NRG2: variants seen among roughly 807,000 people sequenced by gnomAD.
NRG2 encodes the protein neuregulin 2.
Under a neutral mutation model 73.9 loss-of-function variants are expected in NRG2, and 27 were observed. That is an observed-to-expected ratio of 0.37 (90% CI 0.27 to 0.50). The LOEUF (loss-of-function observed/expected upper bound fraction) is 0.50. NRG2 is among the 20% of genes least tolerant of loss of function. The pLI, the probability that NRG2 is intolerant of heterozygous loss-of-function variation, is 0.96. For synonymous variants in NRG2, 532 were observed against 541.0 expected (o/e 0.98, Z 0.23); for missense variants, 1,126 against 1,210.1 (o/e 0.93, Z 1.03).
At chr5:139,961,721 C>T (rs528513960) in intron 1 of NRG2, among the ~76,000 whole-genome samples, 2 of 152,326 alleles carry the variant, frequency 1.3e-5, no homozygotes, top group South Asian at 4.1e-4. Flanking sequence ...GCCCCCTGCT[C>T]CCTGCTGAGA....
intron 3 of NRG2, 33 bp from the exon 4 acceptor site, chr5:139,871,874 A>C: frequency 6.2e-7 from 1 of 1,609,544 alleles, no homozygotes; most frequent in Non-Finnish European, 8.5e-7. Flanking sequence ...CCAGTGACGC[A>C]CTGAGACTAT....
At chr5:140,012,601 C>T (rs1287988392) in intron 1 of NRG2, among the ~76,000 whole-genome samples, 1 of 152,132 alleles carries the variant, frequency 6.6e-6, no homozygotes, top group Non-Finnish European at 1.5e-5. Flanking sequence ...TGCAACCCTT[C>T]CATGATATCA....
chr5:139,908,554 A>G (rs955783273), intron 1 of NRG2, among the ~76,000 whole-genome samples: 2 of 152,238 alleles, frequency 1.3e-5, no homozygotes, highest in African/African-American at 4.8e-5. Context: ...AGTTGAAGAA[A>G]CTGAAGTGCA....
intron 1 of NRG2, among the ~76,000 whole-genome samples, chr5:139,973,887 T>A (rs1017195528): frequency 1.3e-5 from 2 of 152,094 alleles, no homozygotes; most frequent in African/African-American, 4.8e-5. Flanking sequence ...TATAGTATGA[T>A]CCCATTTTTA....
At chr5:139,907,581 C>T (rs1277695047) in intron 1 of NRG2, among the ~76,000 whole-genome samples, 1 of 152,146 alleles carries the variant, frequency 6.6e-6, no homozygotes, top group South Asian at 2.1e-4. Flanking sequence ...AGACAATTCT[C>T]CTGGGGGTAG....
chr5:139,897,163 A>G (rs1422187), intron 1 of NRG2, among the ~76,000 whole-genome samples: 52,982 of 152,078 alleles, frequency 0.35, 11,187 homozygotes, highest in African/African-American at 0.6. Context: ...CAGACATGCA[A>G]GCTGTGGGGT....
intron 3 of NRG2, among the ~76,000 whole-genome samples, chr5:139,874,511 A>T (rs960369366): frequency 1.5e-4 from 23 of 151,434 alleles, no homozygotes; most frequent in African/African-American, 5.3e-4. Context: ...TCCTCAAGAG[A>T]CTCCATCCAT....
chr5:139,886,644 A>G (rs1310300771), intron 2 of NRG2, among the ~76,000 whole-genome samples: 1 of 152,154 alleles, frequency 6.6e-6, no homozygotes, highest in Non-Finnish European at 1.5e-5. Flanking sequence ...GAGGCAGCAG[A>G]GAGGTGGTGG....
At chr5:139,864,980 G>A (rs568968110) in intron 5 of NRG2, 434 of 782,828 alleles carry the variant, frequency 5.5e-4, no homozygotes, top group Non-Finnish European at 8.7e-4. Context: ...GGTGCCGGGG[G>A]TGTTTCCGTC....
At chr5:140,025,389 C>T (rs568185816) in intron 1 of NRG2, among the ~76,000 whole-genome samples, 1 of 152,284 alleles carries the variant, frequency 6.6e-6, no homozygotes, top group Admixed American at 6.5e-5. Context: ...GGGCATGGCA[C>T]ATGTAGGTAC....
chr5:139,860,494 T>A (rs1279218944), intron 5 of NRG2, among the ~76,000 whole-genome samples: 1 of 151,046 alleles, frequency 6.6e-6, no homozygotes, highest in African/African-American at 2.4e-5. Flanking sequence ...AGCCTCAGAG[T>A]CTGTGGGAGG....
At position 139,887,958 on chromosome 5, in the gene NRG2, C is replaced by T. The variant is rs1234826758; in HGVS notation, c.701-447G>A. Among the ~76,000 whole-genome samples the T allele has an allele frequency of 6.6e-6, 1 of 152,152 alleles. No individual in the cohort carries two copies. The highest frequency in any genetic ancestry group is 1.9e-4 in the East Asian group (1 of 5,190). On this transcript the variant is annotated intron_variant, in intron 1 of 9. Transcript: ENST00000361474. This position sits in a 1 kb window ranked among gnomAD's most constrained non-coding sequence, Gnocchi z 4.5. ...ATGGGTAACAAGCCATGGGGCTGTA[C>T]TGGTGGGCTCAGGCCCAATCACGGA...
At chr5:139,938,883 GGAAAGAAAGAAAGAAAGAAAGAAAAGAA>G (rs1753079858) in intron 1 of NRG2, among the ~76,000 whole-genome samples, 42 of 48,222 alleles carry the variant, frequency 8.7e-4, no homozygotes, top group African/African-American at 3.9e-3. Context: ...AGAGAGAGAA[GGAAAGAAAGAAAGAAAGAAAGAAAAGAA>G]AGAAAGAAAG....
intron 1 of NRG2, among the ~76,000 whole-genome samples, chr5:139,896,464 C>T (rs761959462): frequency 2.0e-5 from 3 of 152,142 alleles, no homozygotes; most frequent in African/African-American, 2.4e-5. Flanking sequence ...GCTTAGGCAC[C>T]CTGGGAGCTT....
At position 139,904,580 on chromosome 5, in the gene NRG2, C is replaced by T. The variant is rs1477124319; in HGVS notation, c.701-17069G>A. The stretch of plus-strand genomic sequence containing the variant: ...GCGCCCTCCACCCTCGCCCCCCCTC[C>T]ACCGGCTCGGGCCGCGGGGGCGTGT... On this transcript the variant is annotated intron_variant, in intron 1 of 9. Coordinates refer to ENST00000361474, the MANE Select transcript of NRG2 (RefSeq NM_004883.3). The surrounding 1 kb of genome is among the most constrained non-coding windows in gnomAD (Gnocchi z 6.0). 6.6e-6 allele frequency among the ~76,000 whole-genome samples: 1 copy of T among 152,124 alleles called. No individual in the cohort carries two copies. Among genetic ancestry groups the T allele is most frequent in the Non-Finnish European group, 1.5e-5 (1 of 67,992 alleles).
intron 2 of NRG2, among the ~76,000 whole-genome samples, chr5:139,883,980 G>T (rs1304093084): frequency 6.6e-6 from 1 of 152,166 alleles, no homozygotes; most frequent in East Asian, 1.9e-4. Flanking sequence ...GCTTAACCAG[G>T]ACAGTAACTG....
intron 2 of NRG2, among the ~76,000 whole-genome samples, chr5:139,885,081 C>T (rs1763778509): frequency 6.6e-6 from 1 of 152,088 alleles, no homozygotes; most frequent in Admixed American, 6.5e-5. Flanking sequence ...TGTGAGGCAT[C>T]TCAGGTGTGG....
intron 1 of NRG2, among the ~76,000 whole-genome samples, chr5:139,949,606 A>G (rs1196008503): frequency 2.0e-5 from 3 of 152,138 alleles, no homozygotes; most frequent in African/African-American, 4.8e-5. Flanking sequence ...CTAGGCTTCT[A>G]TTCTATTTTA....
Position 139,865,495 on chromosome 5 carries a change from G to A in NRG2, c.1189+54C>T. On this transcript the variant is annotated intron_variant, in intron 5 of 9. Transcript: ENST00000361474. This position sits in a 1 kb window ranked among gnomAD's most constrained non-coding sequence, Gnocchi z 5.2. ...CCCTATGCCCTACATTGGGGGGACTGCACCCAGAAGCTTTCTAAGGAGCAG... is the reference window on the plus strand; with the variant it reads ...CCCTATGCCCTACATTGGGGGGACTACACCCAGAAGCTTTCTAAGGAGCAG... The A allele has an allele frequency of 7.1e-7, 1 of 1,408,046 alleles. No homozygotes were observed. Among genetic ancestry groups the A allele is most frequent in the East Asian group, 2.3e-5 (1 of 43,946 alleles). 87.2% of individuals were successfully genotyped at this position (1,408,046 alleles called of 1,614,324 possible).
Sources: gnomAD v4.1 joint callset for allele counts (sites outside exome capture counted in the v4.1 genomes callset) on GRCh38, gnomAD v4.1.1 for gene constraint, Gnocchi (gnomAD v3.1) non-coding constraint, MANE v1.5 for transcripts, NCBI Gene and HGNC (gene_info 2026-07-23, HGNC 2026-07-21) for gene names.